The following MAF variants were observed in gnomAD, a reference collection of about 807,000 sequenced individuals.
MAF encodes MAF bZIP transcription factor, also known as transcription factor Maf.
MAF carries 10 observed loss-of-function variants against 22.0 expected under a neutral mutation model. The ratio of observed to expected loss-of-function variants is 0.45; its 90% confidence interval spans 0.28 to 0.77. MAF has a LOEUF of 0.77. Among genes scored for constraint, MAF ranks in the 30% least tolerant of loss-of-function variants. The pLI, the probability that MAF is intolerant of heterozygous loss-of-function variation, is 0.12. For missense variants in MAF, 544 were observed against 548.4 expected (o/e 0.99, Z 0.08); for synonymous variants, 337 against 255.8 (o/e 1.32, Z -3.03).
chr16:79,394,546 C>A, the MAF span, among the ~76,000 whole-genome samples: 8 of 152,210 alleles, frequency 5.3e-5, no homozygotes, highest in African/African-American at 1.9e-4. Flanking sequence ...GTCTTCCCAA[C>A]TTGAGGGGTA....
At chr16:79,362,076 G>A in the MAF span, among the ~76,000 whole-genome samples, 1 of 152,252 alleles carries the variant, frequency 6.6e-6, no homozygotes, top group South Asian at 2.1e-4. Context: ...TTGACTTGGA[G>A]GCCACTTACC....
At chr16:79,598,417 T>C in intron 1 of MAF, 2 of 1,173,814 alleles carry the variant, frequency 1.7e-6, no homozygotes, top group Non-Finnish European at 2.1e-6. Context: ...CTGAGATCAT[T>C]GAACATTGTG....
At chr16:79,486,486 C>T in the MAF span, among the ~76,000 whole-genome samples, 1 of 152,098 alleles carries the variant, frequency 6.6e-6, no homozygotes, top group Non-Finnish European at 1.5e-5. Context: ...TACCCAAAGA[C>T]TGATTTCATA....
the MAF span, chr16:79,516,291 A>G: frequency 1.3e-5 from 2 of 152,216 alleles, no homozygotes; most frequent in East Asian, 1.9e-4. Flanking sequence ...CTTACATTTT[A>G]AAATTTAAGA....
the MAF span, among the ~76,000 whole-genome samples, chr16:79,539,275 G>A: frequency 1.5e-3 from 234 of 152,312 alleles, 1 homozygote; most frequent in African/African-American, 5.2e-3. Context: ...AGGCCGAGCC[G>A]GGTGGATAAC....
At chr16:79,295,311 G>A in the MAF span, among the ~76,000 whole-genome samples, 1 of 152,036 alleles carries the variant, frequency 6.6e-6, no homozygotes, top group African/African-American at 2.4e-5. Flanking sequence ...TCGTGAATCG[G>A]GCGGCCTTCT....
chr16:79,405,089 T>C, the MAF span, among the ~76,000 whole-genome samples: 1 of 152,258 alleles, frequency 6.6e-6, no homozygotes, highest in East Asian at 1.9e-4. Context: ...CACTTTGGAC[T>C]CAATGATCTC....
chr16:79,487,461 T>G, the MAF span, among the ~76,000 whole-genome samples: 1 of 152,158 alleles, frequency 6.6e-6, no homozygotes, highest in Non-Finnish European at 1.5e-5. Flanking sequence ...ATTGTATTAT[T>G]TAATCTCAAT....
At chr16:79,582,200 A>G (rs148739710), downstream of MAF, among the ~76,000 whole-genome samples, 3 of 152,176 alleles carry the variant, frequency 2.0e-5, no homozygotes, top group Non-Finnish European at 4.4e-5. Flanking sequence ...ACAACTTTAC[A>G]GTAATTTTTG....
chr16:79,285,971 G>T, the MAF span, among the ~76,000 whole-genome samples: 1 of 152,136 alleles, frequency 6.6e-6, no homozygotes, highest in African/African-American at 2.4e-5. Flanking sequence ...TACAGTTTGG[G>T]TTCTACAGCA....
chr16:79,523,790 G>A, the MAF span, among the ~76,000 whole-genome samples: 131 of 152,294 alleles, frequency 8.6e-4, no homozygotes, highest in African/African-American at 2.9e-3. Flanking sequence ...CTAAAATCAT[G>A]CGCATCGTTA....
the MAF span, among the ~76,000 whole-genome samples, chr16:79,348,166 G>T: frequency 1.3e-5 from 2 of 152,208 alleles, no homozygotes; most frequent in African/African-American, 2.4e-5. Context: ...CCTCAGAGGG[G>T]GAAAGAAGTT....
intron 1 of MAF, chr16:79,586,070 T>G: frequency 1.9e-6 from 1 of 533,424 alleles, no homozygotes; most frequent in South Asian, 2.9e-5. Flanking sequence ...AGAAGAGTGA[T>G]TTTGTTCCAT....
the MAF span, among the ~76,000 whole-genome samples, chr16:79,218,793 C>A: frequency 3.3e-5 from 5 of 152,286 alleles, no homozygotes; most frequent in Non-Finnish European, 5.9e-5. Context: ...AAATACCAGT[C>A]CATCCAAGCT....
At chr16:79,532,786 G>A in the MAF span, among the ~76,000 whole-genome samples, 65 of 152,276 alleles carry the variant, frequency 4.3e-4, no homozygotes, top group South Asian at 0.013. Context: ...TAACACAAAA[G>A]AATCACTGAG....
chr16:79,427,563 G>A, the MAF span, among the ~76,000 whole-genome samples: 2 of 152,148 alleles, frequency 1.3e-5, no homozygotes, highest in Non-Finnish European at 1.5e-5. Context: ...CTGCTCTCTG[G>A]TCAGGCTACT....
chr16:79,568,614 C>T, the MAF span, among the ~76,000 whole-genome samples: 145 of 152,244 alleles, frequency 9.5e-4, no homozygotes, highest in African/African-American at 3.3e-3. Context: ...AGATATCATC[C>T]GGTTTCTGAG....
chr16:79,567,020 A>G, the MAF span, among the ~76,000 whole-genome samples: 4 of 152,202 alleles, frequency 2.6e-5, no homozygotes, highest in Non-Finnish European at 5.9e-5. Context: ...ACTACCTACA[A>G]TTGAGATGCA....
At chr16:79,255,948 ATCTTTTCTTTTCTTTTCTTTTT>A in the MAF span, among the ~76,000 whole-genome samples, 7 of 103,666 alleles carry the variant, frequency 6.8e-5, no homozygotes, top group Non-Finnish European at 1.1e-4. Context: ...AGATGTCTTT[ATCTTTTCTTTTCTTTTCTTTTT>A]TCTTTTCTTT....
Sources: gnomAD v4.1 joint callset for allele counts (sites outside exome capture counted in the v4.1 genomes callset) on GRCh38, gnomAD v4.1.1 for gene constraint, MANE v1.5 for transcripts, NCBI Gene and HGNC (gene_info 2026-07-23, HGNC 2026-07-21) for gene names.